The following ASAP1 variants were observed in gnomAD, a reference collection of about 807,000 sequenced individuals.
ASAP1 encodes the protein ArfGAP with SH3 domain, ankyrin repeat and PH domain 1, also known as arf-GAP with SH3 domain, ANK repeat and PH domain-containing protein 1.
In ASAP1, 43 loss-of-function variants were observed where a neutral mutation model predicts 145.2. The ratio of observed to expected loss-of-function variants is 0.30; its 90% CI spans 0.23 to 0.38. The LOEUF (loss-of-function observed/expected upper bound fraction) is 0.38, where lower values mean the gene tolerates loss of function less well. ASAP1 is among the 10% of genes least tolerant of loss of function. The pLI is 1.00. For missense variants in ASAP1, 1,018 were observed against 1,355.3 expected (o/e 0.75, Z 3.91); for synonymous variants, 546 against 515.5 (o/e 1.06, Z -0.80).
intron 5 of ASAP1, among the ~76,000 whole-genome samples, chr8:130,212,377 C>CT (rs1369063274): frequency 6.6e-6 from 1 of 152,086 alleles, no homozygotes; most frequent in African/African-American, 2.4e-5. Context: ...GGAAAAAGGG[C>CT]TGTAGCTTGA....
chr8:130,378,778 A>G (rs1217152926), intron 2 of ASAP1, among the ~76,000 whole-genome samples: 1 of 152,202 alleles, frequency 6.6e-6, no homozygotes, highest in African/African-American at 2.4e-5. Context: ...TGTCTGTCAA[A>G]TGCATATTAG....
intron 4 of ASAP1, among the ~76,000 whole-genome samples, chr8:130,220,079 C>T (rs1206209763): frequency 6.6e-6 from 1 of 152,148 alleles, no homozygotes; most frequent in African/African-American, 2.4e-5. Context: ...TGTAAGCCAC[C>T]ACGCCTGGCC....
In ASAP1 at chr8:130,060,715, A is replaced by C; in HGVS notation, c.3056T>G (p.Leu1019Arg). The change falls in exon 28 of 30, where the codon CTG (leucine) becomes CGG (arginine). Residue 1019 changes from leucine (L) to arginine (R), a missense_variant. Leu to Arg is a moderately radical substitution (Grantham distance 102). This residue lies in a region of ASAP1 where 139 missense variants were observed against 131.0 expected (regional missense o/e 1.06). Transcript: ENST00000518721. ...GGATAGATCCAATGGGTGTGACTTC[A>C]GTGTGACCTCAGAGGGTTGCTGAGC... ...PKAQQPSEVT[L>R]KSHPLDLSPN... 6.2e-7 allele frequency: 1 copy of C among 1,614,146 alleles called. No individual in the cohort carries two copies. Among genetic ancestry groups the C allele is most frequent in the Non-Finnish European group, 8.5e-7 (1 of 1,180,028 alleles).
In ASAP1 at chr8:130,127,937, A is replaced by G. The variant is rs542930926; in HGVS notation, c.1371T>C (p.Cys457=). Residue 457 remains cysteine, a synonymous_variant, in exon 16 of 30, where the codon TGT becomes TGC. Transcript: ENST00000518721. ...TATGGGGACAAAAACCTGATGAGCCACAATCGCAGCAAATGTCATTCCCTG... is the reference window on the plus strand; with the variant it reads ...TATGGGGACAAAAACCTGATGAGCCGCAATCGCAGCAAATGTCATTCCCTG... ...RLPGNDICCD[C]GSSEPTWLST... 2 of 1,612,920 alleles carry G rather than the reference A, an allele frequency of 1.2e-6. No homozygotes were observed. Among genetic ancestry groups the G allele is most frequent in the East Asian group, 2.2e-5 (1 of 44,860 alleles).
At chr8:130,207,172 G>T (rs976494338) in intron 5 of ASAP1, among the ~76,000 whole-genome samples, 1 of 151,990 alleles carries the variant, frequency 6.6e-6, no homozygotes. Flanking sequence ...CACTCAAAGT[G>T]GAAGGAATGG....
intron 7 of ASAP1, among the ~76,000 whole-genome samples, chr8:130,182,831 C>CAAAAAAAAAAAAAAAAAAAAAAAAAAGGA (rs35195899): frequency 1.4e-5 from 1 of 73,596 alleles, no homozygotes; most frequent in Non-Finnish European, 2.6e-5. Flanking sequence ...TATAAAAAGG[C>CAAAAAAAAAAAAAAAAAAAAAAAAAAGGA]AAAAAAAAAA....
At chr8:130,095,294 ATTT>A (rs71302392) in intron 24 of ASAP1, among the ~76,000 whole-genome samples, 5,786 of 95,624 alleles carry the variant, frequency 0.061, 111 homozygotes, top group Middle Eastern at 0.11. Flanking sequence ...TAGGCCAGTG[ATTT>A]TTTTTTTTTT....
At chr8:130,422,826 A>G (rs759197231) in intron 1 of ASAP1, among the ~76,000 whole-genome samples, 14 of 152,370 alleles carry the variant, frequency 9.2e-5, no homozygotes, top group Middle Eastern at 3.4e-3. Context: ...CAAGCCAGTA[A>G]GCAGGCTGAA....
At chr8:130,150,982 G>A (rs1242880731) in intron 13 of ASAP1, among the ~76,000 whole-genome samples, 1 of 152,088 alleles carries the variant, frequency 6.6e-6, no homozygotes, top group African/African-American at 2.4e-5. Context: ...GACTGTGTAT[G>A]GAATTAAATA....
At chr8:130,142,886 G>T (rs1456499292) in intron 13 of ASAP1, among the ~76,000 whole-genome samples, 1 of 152,122 alleles carries the variant, frequency 6.6e-6, no homozygotes, top group Non-Finnish European at 1.5e-5. Flanking sequence ...GTGGTGGGGG[G>T]GCAGTTGGTG....
intron 3 of ASAP1, among the ~76,000 whole-genome samples, chr8:130,328,348 A>C (rs985977684): frequency 6.6e-6 from 1 of 152,248 alleles, no homozygotes; most frequent in Non-Finnish European, 1.5e-5. Flanking sequence ...TCTTAAAAGC[A>C]GTGAAAGTGC....
intron 13 of ASAP1, among the ~76,000 whole-genome samples, chr8:130,147,300 T>C (rs144056476): frequency 1.1e-4 from 17 of 152,146 alleles, no homozygotes; most frequent in African/African-American, 3.9e-4. Flanking sequence ...ATAGCTGACA[T>C]TTATTGAGCA....
At chr8:130,094,496 C>T (rs2097513026) in intron 24 of ASAP1, among the ~76,000 whole-genome samples, 1 of 152,056 alleles carries the variant, frequency 6.6e-6, no homozygotes, top group Non-Finnish European at 1.5e-5. Context: ...GCGTGAGTCA[C>T]CACGCCTAGT....
rs1350257840 is a variant in ASAP1 at position 130,300,345 on chromosome 8, CAT to C, written c.186+57670_186+57671del. On this transcript the variant is annotated intron_variant, in intron 3 of 29. Transcript: ENST00000518721. ...ACATCTAAATGAATTCACTCTGTCA[CAT>C]GTTTCTTCTTTTAATAAGAGGATAA... 3.1e-4 allele frequency among the ~76,000 whole-genome samples: 47 copies of C among 152,282 alleles called. 2 individuals are homozygous for C. The highest frequency in any genetic ancestry group is 2.3e-3 in the South Asian group (11 of 4,828).
intron 3 of ASAP1, among the ~76,000 whole-genome samples, chr8:130,352,094 G>C (rs140313308): frequency 5.1e-4 from 77 of 152,280 alleles, no homozygotes; most frequent in African/African-American, 1.7e-3. Flanking sequence ...AAACATTATG[G>C]GAAGGTTTGT....
intron 3 of ASAP1, among the ~76,000 whole-genome samples, chr8:130,290,873 CT>C (rs1466526450): frequency 5.9e-5 from 9 of 152,144 alleles, no homozygotes; most frequent in Non-Finnish European, 1.3e-4. Flanking sequence ...TTTAAAGCCA[CT>C]GAGATGTGGC....
chr8:130,352,788 T>C (rs765737341), intron 3 of ASAP1, among the ~76,000 whole-genome samples: 2 of 152,252 alleles, frequency 1.3e-5, no homozygotes, highest in Admixed American at 6.5e-5. Context: ...GGAATGTTAC[T>C]GTTATGAGAT....
chr8:130,197,147 G>A (rs546229777), intron 5 of ASAP1, among the ~76,000 whole-genome samples: 3 of 152,354 alleles, frequency 2.0e-5, no homozygotes, highest in South Asian at 4.1e-4. Context: ...TGACACCAAC[G>A]GGCCAGGTGC....
chr8:130,319,844 C>T (rs1823891229), intron 3 of ASAP1, among the ~76,000 whole-genome samples: 1 of 152,080 alleles, frequency 6.6e-6, no homozygotes, highest in African/African-American at 2.4e-5. Flanking sequence ...TTTTTAATGA[C>T]ATGACAAAAA....
Sources: gnomAD v4.1 joint callset for allele counts (sites outside exome capture counted in the v4.1 genomes callset) on GRCh38, gnomAD v4.1.1 for gene constraint, gnomAD v4.1.1 regional missense constraint, MANE v1.5 for transcripts, NCBI Gene and HGNC (gene_info 2026-07-23, HGNC 2026-07-21) for gene names.